The following NUBPL variants were observed in gnomAD, a reference collection of about 807,000 sequenced individuals.
The protein encoded by NUBPL is iron-sulfur cluster transfer protein NUBPL.
In NUBPL, 31 loss-of-function variants were observed where a neutral mutation model predicts 45.7. The observed-to-expected ratio is 0.68, with a 90% CI of 0.51 to 0.92. The LOEUF (loss-of-function observed/expected upper bound fraction) is 0.92, where lower values mean the gene tolerates loss of function less well. Among genes scored for constraint, NUBPL ranks in the 40% least tolerant of loss-of-function variants. The pLI, the probability that NUBPL is intolerant of heterozygous loss-of-function variation, is 0.00. For missense variants in NUBPL, 401 were observed against 398.7 expected (o/e 1.01, Z -0.05); for synonymous variants, 144 against 140.9 (o/e 1.02, Z -0.15).
chr14:31,638,911 C>T (rs546616301), intron 4 of NUBPL, among the ~76,000 whole-genome samples: 9 of 152,296 alleles, frequency 5.9e-5, no homozygotes, highest in East Asian at 1.9e-4. Flanking sequence ...TCACGTAGTT[C>T]TTGAGCCTTG....
intron 6 of NUBPL, among the ~76,000 whole-genome samples, chr14:31,751,394 T>TTGGGTAAA (rs2038526147): frequency 6.6e-6 from 1 of 152,262 alleles, no homozygotes; most frequent in African/African-American, 2.4e-5. Flanking sequence ...AGTATAGGCA[T>TTGGGTAAA]TGGGTAAATG....
intron 3 of NUBPL, among the ~76,000 whole-genome samples, chr14:31,575,664 T>C (rs1446050748): frequency 6.6e-6 from 1 of 152,234 alleles, no homozygotes; most frequent in Non-Finnish European, 1.5e-5. Flanking sequence ...AGGCTCATCT[T>C]TTCTTTAATA....
intron 4 of NUBPL, among the ~76,000 whole-genome samples, chr14:31,649,019 A>G (rs1343393275): frequency 6.6e-6 from 1 of 152,170 alleles, no homozygotes; most frequent in Non-Finnish European, 1.5e-5. Context: ...CATGTTGGAC[A>G]GGATGGTCTC....
At chr14:31,785,818 T>C (rs553772630) in intron 6 of NUBPL, among the ~76,000 whole-genome samples, 1 of 152,296 alleles carries the variant, frequency 6.6e-6, no homozygotes, top group Admixed American at 6.5e-5. Context: ...TGTTGACATA[T>C]GAATGAATCT....
chr14:31,725,867 G>A (rs941792584), intron 6 of NUBPL, among the ~76,000 whole-genome samples: 6 of 151,586 alleles, frequency 4.0e-5, no homozygotes, highest in Non-Finnish European at 8.8e-5. Context: ...CCACCACCAC[G>A]CCCAGATAAT....
intron 4 of NUBPL, among the ~76,000 whole-genome samples, chr14:31,616,294 A>G (rs1295177602): frequency 6.6e-6 from 1 of 152,136 alleles, no homozygotes; most frequent in Non-Finnish European, 1.5e-5. Flanking sequence ...GTTTAATTAG[A>G]TGCCATTTAT....
chr14:31,618,843 G>A (rs1041959228), intron 4 of NUBPL, among the ~76,000 whole-genome samples: 8 of 152,106 alleles, frequency 5.3e-5, no homozygotes. Context: ...GGAAATCCTT[G>A]TGAATTTTCT....
At chr14:31,783,954 C>T (rs543471425) in intron 6 of NUBPL, among the ~76,000 whole-genome samples, 13 of 152,146 alleles carry the variant, frequency 8.5e-5, no homozygotes, top group East Asian at 3.8e-4. Context: ...GTCAGTCTGC[C>T]GGTGCTAGGA....
rs113732441 is a variant in NUBPL, at chr14:31,638,523, T to G, written c.383-34832T>G. 3.9e-4 allele frequency among the ~76,000 whole-genome samples: 59 copies of G among 151,904 alleles called. 1 individual carries two copies. The highest frequency in any genetic ancestry group is 1.3e-3 in the African/African-American group (52 of 41,302). ...CTTTCTCTCTGGCTTCCCTTAACATTTTTTCCTTCATTTCAACTTTGGTGA... is the reference window on the plus strand; with the variant it reads ...CTTTCTCTCTGGCTTCCCTTAACATGTTTTCCTTCATTTCAACTTTGGTGA... On this transcript the variant is annotated intron_variant, in intron 4 of 10. Coordinates refer to ENST00000281081, the MANE Select transcript of NUBPL (RefSeq NM_025152.3).
intron 6 of NUBPL, 111 bp from the exon 7 acceptor site, chr14:31,787,669 G>T (rs945146218): frequency 1.0e-4 from 76 of 751,398 alleles, no homozygotes; most frequent in Non-Finnish European, 1.5e-4. Flanking sequence ...CCTAGCAATG[G>T]CTCAAGCGAT....
At chr14:31,696,347 A>G (rs2037214435) in intron 6 of NUBPL, among the ~76,000 whole-genome samples, 1 of 152,224 alleles carries the variant, frequency 6.6e-6, no homozygotes, top group Admixed American at 6.5e-5. Flanking sequence ...TCTTGCAGAC[A>G]CATCTTGCAC....
chr14:31,593,320 T>G (rs1481895746), intron 3 of NUBPL, among the ~76,000 whole-genome samples: 2 of 151,852 alleles, frequency 1.3e-5, no homozygotes, highest in African/African-American at 2.4e-5. Flanking sequence ...GAGACCATCC[T>G]GGCTAACACG....
chr14:31,816,371 G>C (rs1335492494), intron 7 of NUBPL, among the ~76,000 whole-genome samples: 3 of 152,072 alleles, frequency 2.0e-5, no homozygotes, highest in Admixed American at 2.0e-4. Flanking sequence ...GGGATCAGTG[G>C]TGATATCCCC....
At chr14:31,680,923 G>C (rs1333808053) in intron 6 of NUBPL, among the ~76,000 whole-genome samples, 1 of 152,074 alleles carries the variant, frequency 6.6e-6, no homozygotes, top group East Asian at 1.9e-4. Flanking sequence ...TGGGCCAACT[G>C]TACTTTTACT....
chr14:31,843,520 G>A (rs1205987585), intron 8 of NUBPL, among the ~76,000 whole-genome samples: 1 of 152,146 alleles, frequency 6.6e-6, no homozygotes, highest in Non-Finnish European at 1.5e-5. Flanking sequence ...AGGCATAGTG[G>A]CCTCTCTTGC....
chr14:31,664,507 C>T (rs1342732593), intron 4 of NUBPL, among the ~76,000 whole-genome samples: 1 of 152,110 alleles, frequency 6.6e-6, no homozygotes, highest in Admixed American at 6.6e-5. Flanking sequence ...TGGTTTTTGT[C>T]ATTGGTTCTG....
intron 7 of NUBPL, 117 bp from the exon 8 acceptor site, chr14:31,826,512 T>C (rs2040106351): frequency 1.1e-6 from 1 of 871,948 alleles, no homozygotes; most frequent in Admixed American, 2.0e-5. Context: ...AAAATGTATA[T>C]GAATGACCTA....
chr14:31,726,554 G>C (rs1341494733), intron 6 of NUBPL, among the ~76,000 whole-genome samples: 1 of 152,206 alleles, frequency 6.6e-6, no homozygotes, highest in Non-Finnish European at 1.5e-5. Flanking sequence ...TCTTCAACCT[G>C]AGATTCACTA....
intron 7 of NUBPL, among the ~76,000 whole-genome samples, chr14:31,812,140 A>G (rs534932644): frequency 3.2e-3 from 494 of 152,294 alleles, no homozygotes; most frequent in Non-Finnish European, 3.8e-3. Context: ...TCAGAGTTCA[A>G]ACACCATGCT....
Sources: gnomAD v4.1 joint callset for allele counts (sites outside exome capture counted in the v4.1 genomes callset) on GRCh38, gnomAD v4.1.1 for gene constraint, MANE v1.5 for transcripts, NCBI Gene and HGNC (gene_info 2026-07-23, HGNC 2026-07-21) for gene names.